Variants in STIM1 observed in about 807,000 individuals in gnomAD.
The protein encoded by STIM1 is stromal interaction molecule 1.
Under a neutral mutation model 74.7 loss-of-function variants are expected in STIM1, and 25 were observed. The observed-to-expected ratio is 0.33, with a 90% CI of 0.24 to 0.47. STIM1 has a LOEUF of 0.47. STIM1 is among the 20% of genes least tolerant of loss of function. The probability of loss-of-function intolerance (pLI) is 1.00; values close to 1 mark genes in which losing one functional copy is unlikely to be tolerated. For synonymous variants in STIM1, 328 were observed against 348.8 expected, an observed-to-expected ratio of 0.94 and a Z score of 0.66; for missense variants, 728 against 920.8, an observed-to-expected ratio of 0.79 and a Z score of 2.71.
At chr11:4,064,526 C>T (rs1484802454) in intron 5 of STIM1, among the ~76,000 whole-genome samples, 2 of 152,190 alleles carry the variant, frequency 1.3e-5, no homozygotes, top group African/African-American at 4.8e-5. Context: ...CTTGTTACAG[C>T]TGTGAGCTAT....
intron 1 of STIM1, among the ~76,000 whole-genome samples, chr11:3,931,647 A>G (rs2092861438): frequency 6.6e-6 from 1 of 152,226 alleles, no homozygotes; most frequent in African/African-American, 2.4e-5. Context: ...GATCTGCTAT[A>G]GACTGAATGT....
In STIM1 at chr11:3,856,073, C is replaced by G. The variant is rs940488377; in HGVS notation, c.-198C>G. On this transcript the variant is annotated 5_prime_UTR_variant, in exon 1 of 13. Transcript: ENST00000526596. ...GGACCCACTGTTGGACCTGAGGAGCCAGCCCTCCTCCCGCACCCAAACTTG... is the reference window on the plus strand; with the variant it reads ...GGACCCACTGTTGGACCTGAGGAGCGAGCCCTCCTCCCGCACCCAAACTTG... 1.5e-6 allele frequency: 1 copy of G among 647,460 alleles called. No individual in the cohort carries two copies. Among genetic ancestry groups the G allele is most frequent in the Non-Finnish European group, 2.7e-6 (1 of 371,280 alleles). The allele number at this position is 647,460 out of a possible 1,614,324, so 40.1% of individuals were successfully genotyped here. A position where few individuals can be genotyped will look rare whatever the true frequency, so the allele number is the denominator to read the frequency against.
intron 2 of STIM1, among the ~76,000 whole-genome samples, chr11:4,023,081 A>C (rs2093971043): frequency 6.6e-6 from 1 of 152,182 alleles, no homozygotes. Flanking sequence ...CTGTAATCCT[A>C]GCACTTTCGG....
chr11:3,859,568 C>A (rs1414206470), intron 1 of STIM1, among the ~76,000 whole-genome samples: 2 of 152,186 alleles, frequency 1.3e-5, no homozygotes, highest in Non-Finnish European at 2.9e-5. Flanking sequence ...TGGTTTAGTT[C>A]AGTGTAGCTA....
chr11:3,928,337 T>C (rs2092814167), intron 1 of STIM1, among the ~76,000 whole-genome samples: 3 of 151,884 alleles, frequency 2.0e-5, no homozygotes. Flanking sequence ...GTGATTCTCC[T>C]GCTTCAGCCT....
At chr11:3,896,204 G>A (rs544815516) in intron 1 of STIM1, among the ~76,000 whole-genome samples, 161 of 129,354 alleles carry the variant, frequency 1.2e-3, no homozygotes, top group Non-Finnish European at 1.9e-3. Context: ...GCACCTGGCC[G>A]GAATAGTGCT....
chr11:3,860,283 TA>T (rs2090547312), intron 1 of STIM1, among the ~76,000 whole-genome samples: 1 of 152,252 alleles, frequency 6.6e-6, no homozygotes, highest in South Asian at 2.1e-4. Flanking sequence ...AGGCACTATT[TA>T]AACATTTTGT....
At chr11:3,948,369 A>G (rs984356582) in intron 1 of STIM1, among the ~76,000 whole-genome samples, 5 of 152,032 alleles carry the variant, frequency 3.3e-5, no homozygotes, top group African/African-American at 1.2e-4. Flanking sequence ...TTTTTTTAAT[A>G]TATAAGAGAA....
intron 5 of STIM1, among the ~76,000 whole-genome samples, chr11:4,068,622 G>T: frequency 6.6e-6 from 1 of 152,082 alleles, no homozygotes. Flanking sequence ...CTAGGGGATG[G>T]CCGCTAGAGG....
intron 1 of STIM1, among the ~76,000 whole-genome samples, chr11:3,965,035 T>C (rs1422469766): frequency 6.6e-6 from 1 of 152,354 alleles, no homozygotes; most frequent in Non-Finnish European, 1.5e-5. Context: ...TTGGATTTCT[T>C]TCTTTTAGGT....
At chr11:3,910,262 AG>A (rs2092539651) in intron 1 of STIM1, among the ~76,000 whole-genome samples, 1 of 152,214 alleles carries the variant, frequency 6.6e-6, no homozygotes, top group Admixed American at 6.5e-5. Flanking sequence ...CTGTGTTCCT[AG>A]GGGAGCTGAG....
chr11:3,990,147 A>G (rs2093596808), intron 2 of STIM1, among the ~76,000 whole-genome samples: 1 of 152,190 alleles, frequency 6.6e-6, no homozygotes, highest in Non-Finnish European at 1.5e-5. Flanking sequence ...ATCATATAAT[A>G]TGTGGTCTGT....
rs1392160825 is a variant in STIM1 at position 4,023,866 on chromosome 11, C to G, written c.271-7C>G. On this transcript the variant is annotated splice_region_variant and splice_polypyrimidine_tract_variant and intron_variant, in intron 2 of 12. Coordinates refer to ENST00000526596, the MANE Select transcript of STIM1 (RefSeq NM_001382567.1). ...TCTCTTGTGACTTGTGTACTTTTCC[C>G]TTGCAGTTCCTGAGGGAAGACCTCA... is the stretch of plus-strand genomic sequence containing the variant. 6.2e-7 allele frequency: 1 copy of G among 1,611,936 alleles called. No individual in the cohort carries two copies.
intron 2 of STIM1, among the ~76,000 whole-genome samples, chr11:3,994,878 C>T (rs1446479653): frequency 2.0e-5 from 3 of 152,140 alleles, no homozygotes; most frequent in Non-Finnish European, 4.4e-5. Flanking sequence ...CTATCAGTCT[C>T]TCTTGAAGTT....
intron 2 of STIM1, among the ~76,000 whole-genome samples, chr11:3,970,090 T>TTTG (rs2093377519): frequency 6.7e-6 from 1 of 149,212 alleles, no homozygotes; most frequent in Non-Finnish European, 1.5e-5. Flanking sequence ...TTTTTTTTTT[T>TTTG]GTTACATCCT....
chr11:3,889,152 C>T lies in STIM1; in HGVS notation c.139+32743C>T, dbSNP rs972278942. ...AGCTGTGGCAACAGCAGTCATCATA[C>T]TAGATGCTGAGGTTTTATCAGAGAT... On this transcript the variant is annotated intron_variant, in intron 1 of 12. Transcript: ENST00000526596. 2.0e-5 allele frequency among the ~76,000 whole-genome samples: 3 copies of T among 148,046 alleles called. 1 individual carries two copies. The highest frequency in any genetic ancestry group is 7.5e-5 in the African/African-American group (3 of 39,794).
intron 1 of STIM1, among the ~76,000 whole-genome samples, chr11:3,961,726 T>C (rs1254678612): frequency 2.0e-5 from 3 of 152,120 alleles, no homozygotes; most frequent in African/African-American, 7.2e-5. Flanking sequence ...GTCATGCTGG[T>C]CTTGAACTCC....
In STIM1 at chr11:3,992,081, G is replaced by GCTTTTTTTTTTTTTTTTTT. The variant is rs376329167; in HGVS notation, c.270+24399_270+24400insCTTTTTTTTTTTTTTTTTT. 3.3e-4 allele frequency among the ~76,000 whole-genome samples: 30 copies of GCTTTTTTTTTTTTTTTTTT among 91,984 alleles called. 2 individuals are homozygous for GCTTTTTTTTTTTTTTTTTT. Among genetic ancestry groups the GCTTTTTTTTTTTTTTTTTT allele is most frequent in the South Asian group, 8.0e-4 (2 of 2,512 alleles). 60.3% of individuals were successfully genotyped at this position (91,984 alleles called of 152,430 possible). A position where few individuals can be genotyped will look rare whatever the true frequency, so the allele number is the denominator to read the frequency against. On this transcript the variant is annotated intron_variant, in intron 2 of 12. Transcript: ENST00000526596. ...TTTCTCTGCAGCCTTGCCAACATCT[G>GCTTTTTTTTTTTTTTTTTT]TTTTTTTGTTTTTTTTTTTTTTTTT...
At chr11:3,859,451 T>C (rs764814165) in intron 1 of STIM1, among the ~76,000 whole-genome samples, 16 of 152,232 alleles carry the variant, frequency 1.1e-4, no homozygotes, top group Non-Finnish European at 4.4e-5. Context: ...CCTTAGACTC[T>C]AGAAAACAAC....
Sources: allele counts gnomAD v4.1 joint callset (sites outside exome capture counted in the v4.1 genomes callset), GRCh38; gene constraint gnomAD v4.1.1; transcripts MANE v1.5; gene names NCBI Gene and HGNC (gene_info 2026-07-23, HGNC 2026-07-21).